Variants in TP53BP1 observed in about 807,000 individuals in gnomAD.
TP53BP1 encodes the protein tumor protein p53 binding protein 1.
In TP53BP1, 61 loss-of-function variants were observed where a neutral mutation model predicts 200.8. The observed-to-expected ratio is 0.30, with a 90% CI of 0.25 to 0.38. The LOEUF (loss-of-function observed/expected upper bound fraction) is 0.38. Among genes scored for constraint, TP53BP1 ranks in the 10% least tolerant of loss-of-function variants. The probability of loss-of-function intolerance (pLI) is 1.00; values close to 1 mark genes in which losing one functional copy is unlikely to be tolerated. For synonymous variants in TP53BP1, 822 were observed against 844.3 expected (o/e 0.97, Z 0.46); for missense variants, 2,144 against 2,371.9 (o/e 0.90, Z 2.00).
intron 1 of TP53BP1, among the ~76,000 whole-genome samples, chr15:43,506,390 T>A (rs921512222): frequency 1.3e-5 from 2 of 152,212 alleles, no homozygotes; most frequent in Non-Finnish European, 2.9e-5. Flanking sequence ...GGTTGAGAAT[T>A]CCCTAACTGG....
intron 14 of TP53BP1, among the ~76,000 whole-genome samples, chr15:43,446,077 A>G (rs2046035026): frequency 6.6e-6 from 1 of 152,190 alleles, no homozygotes; most frequent in Admixed American, 6.5e-5. Flanking sequence ...GTGGGAAAGA[A>G]TCAACATTAA....
At chr15:43,427,441 T>C (rs1373883774) in intron 18 of TP53BP1, among the ~76,000 whole-genome samples, 2 of 152,176 alleles carry the variant, frequency 1.3e-5, no homozygotes, top group East Asian at 1.9e-4. Context: ...ATGAGAGAGA[T>C]TTATCAGTCT....
chr15:43,447,439 T>C lies in TP53BP1; in HGVS notation c.2763A>G (p.Pro921=). ...FTLPKEGDII[P]PLTGATPPLI... ...GAGGTGGGGTTGCACCAGTCAATGGTGGGATGATATCACCTTCTTTAGGCA... is the reference window on the plus strand; with the variant it reads ...GAGGTGGGGTTGCACCAGTCAATGGCGGGATGATATCACCTTCTTTAGGCA... The change falls in exon 13 of 28, where the codon CCA becomes CCG. Residue 921 remains proline (P), a synonymous_variant. Coordinates refer to ENST00000382044, the MANE Select transcript of TP53BP1 (RefSeq NM_001141980.3). 1 of 1,583,210 alleles carries C rather than the reference T, an allele frequency of 6.3e-7. No individual in the cohort carries two copies. Among genetic ancestry groups the C allele is most frequent in the Non-Finnish European group, 8.5e-7 (1 of 1,171,282 alleles).
At chr15:43,430,164 C>T (rs1008310052) in intron 17 of TP53BP1, among the ~76,000 whole-genome samples, 1 of 152,220 alleles carries the variant, frequency 6.6e-6, no homozygotes, top group African/African-American at 2.4e-5. Flanking sequence ...AATAAAACCA[C>T]ACTTTCCCTT....
chr15:43,407,939 G>A lies in TP53BP1; in HGVS notation c.5746+4C>T. The A allele has an allele frequency of 6.2e-7, 1 of 1,610,528 alleles. No homozygotes were observed. Among genetic ancestry groups the A allele is most frequent in the South Asian group, 1.1e-5 (1 of 90,890 alleles). ...AAAGACACTACACACACTCTTTCAG[G>A]TACCTTTGTTATGGGCACTTGAATG... On this transcript the variant is annotated splice_donor_region_variant and intron_variant, in intron 27 of 27. Transcript: ENST00000382044.
chr15:43,445,684 T>C (rs913657867), intron 14 of TP53BP1, among the ~76,000 whole-genome samples: 1 of 152,112 alleles, frequency 6.6e-6, no homozygotes, highest in Non-Finnish European at 1.5e-5. Flanking sequence ...TGAAGAGTCA[T>C]TCTCTCTTTT....
intron 27 of TP53BP1, 71 bp from the exon 28 acceptor site, chr15:43,407,641 G>T: frequency 1.4e-6 from 2 of 1,433,862 alleles, no homozygotes; most frequent in South Asian, 1.3e-5. Context: ...AGAGAGATTT[G>T]ATTCTAACCA....
chr15:43,453,420 G>C (rs1182324627), intron 12 of TP53BP1, among the ~76,000 whole-genome samples: 2 of 151,896 alleles, frequency 1.3e-5, no homozygotes, highest in Non-Finnish European at 2.9e-5. Context: ...AGCACAGCTG[G>C]GATCAGGAGA....
rs2079097435 is a variant in TP53BP1, at chr15:43,489,921, T to C, written c.371+1748A>G. Among the ~76,000 whole-genome samples the C allele has an allele frequency of 2.0e-5, 3 of 152,080 alleles. No homozygotes were observed. In the South Asian group the frequency reaches 6.2e-4, roughly 32 times the overall value. On this transcript the variant is annotated intron_variant, in intron 4 of 27. Coordinates refer to ENST00000382044, the MANE Select transcript of TP53BP1 (RefSeq NM_001141980.3). ...AAATAAAACACACCTCCAAAAAAGC[T>C]TTTCTTTTTGAGACAGGGTCTCACT...
chr15:43,492,032 T>A lies in TP53BP1; in HGVS notation c.256A>T (p.Asn86Tyr), dbSNP rs2079131029. The A allele has an allele frequency of 1.2e-6, 2 of 1,614,114 alleles. No individual in the cohort carries two copies. The highest frequency in any genetic ancestry group is 1.7e-6 in the Non-Finnish European group (2 of 1,179,948). Residue 86 changes from asparagine to tyrosine, a missense_variant, in exon 3 of 28, where the codon AAT (asparagine) becomes TAT (tyrosine). By Grantham distance (143) the Asn-to-Tyr change is moderately radical. This residue lies in a region of TP53BP1 where 1,700 missense variants were observed against 1,710.3 expected (regional missense o/e 0.99). Transcript: ENST00000382044. Reference protein sequence around the residue: ...EERGDGNSGFNEHLKENKVAD... With the variant: ...EERGDGNSGFYEHLKENKVAD... ...ACCTTGTTTTCTTTCAAATGTTCATTGAACCCACTATTACCGTCTCCTCGT... is the reference window on the plus strand; with the variant it reads ...ACCTTGTTTTCTTTCAAATGTTCATAGAACCCACTATTACCGTCTCCTCGT...
At chr15:43,447,971 A>G (rs1255184125) in intron 12 of TP53BP1, among the ~76,000 whole-genome samples, 4 of 152,344 alleles carry the variant, frequency 2.6e-5, no homozygotes, top group Admixed American at 1.3e-4. Flanking sequence ...TGTACAATCT[A>G]ATCAAAGAGA....
chr15:43,451,149 T>G (rs964094773), intron 12 of TP53BP1, among the ~76,000 whole-genome samples: 1 of 152,182 alleles, frequency 6.6e-6, no homozygotes, highest in African/African-American at 2.4e-5. Flanking sequence ...TTTCATTCTG[T>G]CTTTTCAGAC....
intron 21 of TP53BP1, chr15:43,417,235 TATGA>T (rs2045287254): frequency 1.3e-5 from 2 of 151,678 alleles, no homozygotes; most frequent in Non-Finnish European, 2.9e-5. Context: ...AAGGCATTAC[TATGA>T]ATATTTTTTC....
intron 11 of TP53BP1, among the ~76,000 whole-genome samples, chr15:43,462,683 T>C (rs34633582): frequency 0.18 from 26,721 of 152,196 alleles, 2,529 homozygotes; most frequent in Middle Eastern, 0.27. Context: ...CAAAGTCTCA[T>C]AGATAAAACA....
At chr15:43,430,026 G>A (rs577854566) in intron 17 of TP53BP1, among the ~76,000 whole-genome samples, 12 of 152,230 alleles carry the variant, frequency 7.9e-5, no homozygotes, top group Middle Eastern at 3.4e-3. Context: ...GAGAGAATAA[G>A]GAGAAAAGGT....
At chr15:43,483,202 TAAAC>T (rs1215247786) in intron 4 of TP53BP1, among the ~76,000 whole-genome samples, 5 of 147,108 alleles carry the variant, frequency 3.4e-5, no homozygotes, top group South Asian at 2.1e-4. Flanking sequence ...GTCTGCAACT[TAAAC>T]AATTAATCCT....
At chr15:43,507,773 G>C (rs1008456314) in intron 1 of TP53BP1, among the ~76,000 whole-genome samples, 1 of 151,400 alleles carries the variant, frequency 6.6e-6, no homozygotes, top group Admixed American at 6.6e-5. Flanking sequence ...GCCCAAGCTA[G>C]AGCGCAGTGG....
chr15:43,501,045 T>C lies in TP53BP1; in HGVS notation c.-8-8577A>G, dbSNP rs1175230019. 3.3e-5 allele frequency among the ~76,000 whole-genome samples: 5 copies of C among 152,174 alleles called. No individual in the cohort carries two copies. In the South Asian group the frequency reaches 6.2e-4, roughly 19 times the overall value. ...ACAGTCTGTCTAAAAAACACATATA[T>C]ATAAAGTTAAATTACTGTATTTTAA... On this transcript the variant is annotated intron_variant, in intron 1 of 27. Transcript: ENST00000263801.
Position 43,405,257 on chromosome 15 carries a change from G to A in TP53BP1, c.*2126C>T, listed in dbSNP as rs754370038. 8.1e-6 allele frequency: 13 copies of A among 1,609,908 alleles called. No individual in the cohort carries two copies. Among genetic ancestry groups the A allele is most frequent in the Non-Finnish European group, 1.1e-5 (13 of 1,176,300 alleles). Reference sequence around the variant, plus strand: ...ATTGAAATAACAGCCACGTTCCCAAGGTTGTAACAGAAGATTCAAAACATC... The same window carrying A: ...ATTGAAATAACAGCCACGTTCCCAAAGTTGTAACAGAAGATTCAAAACATC... On this transcript the variant is annotated 3_prime_UTR_variant, in exon 28 of 28. Coordinates refer to ENST00000382044, the MANE Select transcript of TP53BP1 (RefSeq NM_001141980.3).
Sources: gnomAD v4.1 joint callset for allele counts (sites outside exome capture counted in the v4.1 genomes callset) on GRCh38, gnomAD v4.1.1 for gene constraint, gnomAD v4.1.1 regional missense constraint, MANE v1.5 for transcripts, NCBI Gene and HGNC (gene_info 2026-07-23, HGNC 2026-07-21) for gene names.